The following IQSEC1 variants were observed in gnomAD, a reference collection of about 807,000 sequenced individuals.
The protein encoded by IQSEC1 is IQ motif and SEC7 domain-containing protein 1.
In IQSEC1, 31 loss-of-function variants were observed where a neutral mutation model predicts 91.0. That is an observed-to-expected ratio of 0.34 (90% confidence interval 0.26 to 0.46). The LOEUF (loss-of-function observed/expected upper bound fraction) is 0.46. IQSEC1 is among the 20% of genes least tolerant of loss of function. The pLI is 1.00. For synonymous variants in IQSEC1, 699 were observed against 662.6 expected, an observed-to-expected ratio of 1.05 and a Z score of -0.84; for missense variants, 1,388 against 1,575.6, an observed-to-expected ratio of 0.88 and a Z score of 2.02.
Position 13,062,971 on chromosome 3 carries a change from G to C in IQSEC1, c.23+10021C>G, listed in dbSNP as rs146320230. Reference sequence around the variant, plus strand: ...ACAGGACCTTCATCCTTCGGAGGTCGGGCCAGTGTGGCAAGGTCACGCCAT... The same window carrying C: ...ACAGGACCTTCATCCTTCGGAGGTCCGGCCAGTGTGGCAAGGTCACGCCAT... On this transcript the variant is annotated intron_variant, in intron 1 of 13. Coordinates refer to ENST00000613206, the MANE Select transcript of IQSEC1 (RefSeq NM_001134382.3). 1.3e-5 allele frequency among the ~76,000 whole-genome samples: 2 copies of C among 152,214 alleles called. 1 individual carries two copies. Among genetic ancestry groups the C allele is most frequent in the South Asian group, 4.1e-4 (2 of 4,832 alleles).
chr3:13,015,277 C>A (rs1703067963), intron 1 of IQSEC1, among the ~76,000 whole-genome samples: 1 of 152,164 alleles, frequency 6.6e-6, no homozygotes, highest in Admixed American at 6.5e-5. Context: ...TCCAGGTGGG[C>A]TGCGGGGCCC....
In IQSEC1 at chr3:12,900,660, AGGGAGCT is replaced by A. The variant is rs1694161595; in HGVS notation, c.*316_*322del. ...TTCATATGCATGTACATTAGGGCACAGGGAGCTGAGAGCTGGAGTGGGGGAGGCAGTT... is the reference window on the plus strand; with the variant it reads ...TTCATATGCATGTACATTAGGGCACAGAGAGCTGGAGTGGGGGAGGCAGTT... On this transcript the variant is annotated 3_prime_UTR_variant, in exon 14 of 14. Coordinates refer to ENST00000613206, the MANE Select transcript of IQSEC1 (RefSeq NM_001134382.3). 1 of 1,259,468 alleles carries A rather than the reference AGGGAGCT, an allele frequency of 7.9e-7. No homozygotes were observed. The highest frequency in any genetic ancestry group is 4.0e-5 in the Admixed American group (1 of 24,990). The allele number at this position is 1,259,468 out of a possible 1,614,324, so 78.0% of individuals were successfully genotyped here. A position where few individuals can be genotyped will look rare whatever the true frequency, so the allele number is the denominator to read the frequency against.
At chr3:12,963,433 C>T (rs1212008066) in intron 1 of IQSEC1, among the ~76,000 whole-genome samples, 1 of 152,296 alleles carries the variant, frequency 6.6e-6, no homozygotes, top group East Asian at 1.9e-4. Flanking sequence ...TTCAACCTCA[C>T]AAACGAGCAA....
intron 1 of IQSEC1, among the ~76,000 whole-genome samples, chr3:13,039,090 C>A (rs1704155294): frequency 6.6e-6 from 1 of 152,232 alleles, no homozygotes; most frequent in South Asian, 2.1e-4. Context: ...TTTCTTCCCA[C>A]CTGAACTATT....
intron 1 of IQSEC1, among the ~76,000 whole-genome samples, chr3:13,062,751 A>G (rs995792212): frequency 6.6e-6 from 1 of 152,158 alleles, no homozygotes; most frequent in African/African-American, 2.4e-5. Flanking sequence ...CGTGGGGCCA[A>G]TGAGAGCCTT....
At chr3:12,968,207 G>A (rs1163724794) in intron 1 of IQSEC1, among the ~76,000 whole-genome samples, 4 of 152,138 alleles carry the variant, frequency 2.6e-5, no homozygotes, top group Non-Finnish European at 5.9e-5. Flanking sequence ...CCTGGCCTTT[G>A]CCTGCCTGGA....
intron 2 of IQSEC1, among the ~76,000 whole-genome samples, chr3:12,941,071 G>T (rs985526972): frequency 1.3e-5 from 2 of 152,220 alleles, no homozygotes; most frequent in African/African-American, 4.8e-5. Context: ...GAGGAATAGA[G>T]CAAGCAGCCT....
chr3:13,202,908 A>G (rs1018910897), intron 1 of IQSEC1, among the ~76,000 whole-genome samples: 6 of 152,130 alleles, frequency 3.9e-5, no homozygotes, highest in Non-Finnish European at 8.8e-5. Context: ...CGCCATTCTG[A>G]GCATGCTACA....
chr3:13,196,752 G>A (rs112835648), intron 1 of IQSEC1, among the ~76,000 whole-genome samples: 15 of 22,912 alleles, frequency 6.5e-4, no homozygotes, highest in African/African-American at 5.2e-3. Context: ...GTGTGTGCGT[G>A]TGTGTGTGTG....
At chr3:13,173,481 CA>C (rs1429999106) in intron 1 of IQSEC1, among the ~76,000 whole-genome samples, 1 of 152,210 alleles carries the variant, frequency 6.6e-6, no homozygotes, top group African/African-American at 2.4e-5. Flanking sequence ...GCTGGCCTCC[CA>C]AGGCCTCCTG....
chr3:12,901,552 T>C (rs1694307961), intron 13 of IQSEC1, 30 bp from the exon 14 acceptor site: 1 of 1,519,238 alleles, frequency 6.6e-7, no homozygotes. Flanking sequence ...AAATCAAAAT[T>C]AAAAGATCTT....
At chr3:12,902,658 CAA>C (rs63063761) in intron 13 of IQSEC1, 113 bp downstream of exon 13, 22 of 268,622 alleles carry the variant, frequency 8.2e-5, no homozygotes, top group Non-Finnish European at 9.6e-5. Context: ...AAAAAAACAA[CAA>C]AAAAAAAACC....
chr3:12,978,094 G>A (rs894288371), intron 1 of IQSEC1, among the ~76,000 whole-genome samples: 2 of 152,222 alleles, frequency 1.3e-5, no homozygotes, highest in African/African-American at 2.4e-5. Flanking sequence ...CACAATTGGC[G>A]TCAACTACAT....
At chr3:13,131,004 GGGAAGGAAGGAACGGAAGGGAA>G (rs1399168599) in intron 2 of IQSEC1, among the ~76,000 whole-genome samples, 1 of 127,538 alleles carries the variant, frequency 7.8e-6, no homozygotes, top group Non-Finnish European at 1.7e-5. Context: ...AAAAGAAGGA[GGGAAGGAAGGAACGGAAGGGAA>G]GGAAGGAAGG....
In IQSEC1 at chr3:12,967,501, G is replaced by A. The variant is rs1478018112; in HGVS notation, c.24-25636C>T. On this transcript the variant is annotated intron_variant, in intron 1 of 13. Coordinates refer to ENST00000613206, the MANE Select transcript of IQSEC1 (RefSeq NM_001134382.3). The surrounding 1 kb of genome is among the most constrained non-coding windows in gnomAD (Gnocchi z 5.9). The stretch of plus-strand genomic sequence containing the variant: ...GGCCGGGAGCCGGGACCCAGGCCCA[G>A]CAGAGGCCGCCGACTCCCGCCAGCG... 6.9e-7 allele frequency: 1 copy of A among 1,444,484 alleles called. No homozygotes were observed. The allele number at this position is 1,444,484 out of a possible 1,614,324, so 89.5% of individuals were successfully genotyped here.
chr3:12,947,232 G>GAAGT (rs1346443250), intron 1 of IQSEC1, among the ~76,000 whole-genome samples: 1 of 152,216 alleles, frequency 6.6e-6, no homozygotes, highest in African/African-American at 2.4e-5. Context: ...CCGACGTGAT[G>GAAGT]AAGTACACTC....
chr3:13,092,988 G>A (rs1261527708), intron 2 of IQSEC1, among the ~76,000 whole-genome samples: 1 of 152,028 alleles, frequency 6.6e-6, no homozygotes, highest in East Asian at 1.9e-4. Flanking sequence ...CCAGCACCCA[G>A]GCACAAGCTG....
At chr3:13,029,203 G>A (rs1412808110) in intron 1 of IQSEC1, among the ~76,000 whole-genome samples, 1 of 152,180 alleles carries the variant, frequency 6.6e-6, no homozygotes, top group South Asian at 2.1e-4. Context: ...CAACAAGAAC[G>A]GTGATACCTA....
rs779337686 is a variant in IQSEC1 at position 12,909,477 on chromosome 3, T to C, written c.2417-43A>G. 4 of 1,572,070 alleles carry C rather than the reference T, an allele frequency of 2.5e-6. No individual in the cohort carries two copies. Among genetic ancestry groups the C allele is most frequent in the South Asian group, 1.1e-5 (1 of 87,816 alleles). ...AGGGGAGGAGGCCCACGGGTCTCAG[T>C]GTGTTCTCTGCAATCTCCTCTCTGG... On this transcript the variant is annotated intron_variant, in intron 10 of 13. Transcript: ENST00000613206. The surrounding 1 kb of genome is among the most constrained non-coding windows in gnomAD (Gnocchi z 4.9).
Sources: allele counts gnomAD v4.1 joint callset (sites outside exome capture counted in the v4.1 genomes callset), GRCh38; gene constraint gnomAD v4.1.1; non-coding constraint Gnocchi (gnomAD v3.1); transcripts MANE v1.5; gene names NCBI Gene and HGNC (gene_info 2026-07-23, HGNC 2026-07-21).